The following ZMAT4 variants were observed in gnomAD, a reference collection of about 807,000 sequenced individuals.
ZMAT4 encodes zinc finger matrin-type protein 4.
Under a neutral mutation model 28.7 loss-of-function variants are expected in ZMAT4, and 17 were observed. That is an observed-to-expected ratio of 0.59 (90% CI 0.41 to 0.89). The LOEUF (loss-of-function observed/expected upper bound fraction) is 0.89. Ranked by LOEUF, ZMAT4 falls within the 40% of genes least tolerant of loss-of-function variation. The pLI is 0.00. For missense variants in ZMAT4, 240 were observed against 283.8 expected, an observed-to-expected ratio of 0.85 and a Z score of 1.11; for synonymous variants, 117 against 109.2, an observed-to-expected ratio of 1.07 and a Z score of -0.44.
chr8:40,757,485 C>A (rs952146091), intron 3 of ZMAT4, among the ~76,000 whole-genome samples: 1 of 151,552 alleles, frequency 6.6e-6, no homozygotes, highest in African/African-American at 2.4e-5. Flanking sequence ...ACTTGGGAGG[C>A]TGAGGCAGGA....
intron 2 of ZMAT4, among the ~76,000 whole-genome samples, chr8:40,807,076 G>C (rs1815112646): frequency 1.4e-5 from 2 of 146,384 alleles, no homozygotes; most frequent in South Asian, 4.4e-4. Context: ...GTTTCCCAGA[G>C]TGAATATGCC....
chr8:40,666,871 T>C (rs917507823), intron 5 of ZMAT4, among the ~76,000 whole-genome samples: 3 of 152,050 alleles, frequency 2.0e-5, no homozygotes, highest in African/African-American at 7.2e-5. Context: ...CCACAAAGCC[T>C]AGAAATATCA....
At chr8:40,629,741 A>C (rs9643877) in intron 5 of ZMAT4, among the ~76,000 whole-genome samples, 87,133 of 151,472 alleles carry the variant, frequency 0.58, 26,166 homozygotes, top group East Asian at 0.69. Context: ...TGAACTCATC[A>C]TTTTTTATGG....
intron 2 of ZMAT4, among the ~76,000 whole-genome samples, chr8:40,802,159 A>T (rs1336192882): frequency 6.6e-6 from 1 of 152,254 alleles, no homozygotes; most frequent in African/African-American, 2.4e-5. Context: ...TCTTGCTAAG[A>T]TCAGAAAAAG....
intron 3 of ZMAT4, among the ~76,000 whole-genome samples, chr8:40,720,580 T>A (rs1317450487): frequency 2.1e-5 from 3 of 142,888 alleles, no homozygotes; most frequent in African/African-American, 7.9e-5. Context: ...CAGGCTGGAG[T>A]GCAGTGGCAT....
At chr8:40,803,651 C>T (rs907712818) in intron 2 of ZMAT4, among the ~76,000 whole-genome samples, 1 of 152,170 alleles carries the variant, frequency 6.6e-6, no homozygotes, top group African/African-American at 2.4e-5. Flanking sequence ...GGTACAGCCA[C>T]TTTGGAAGAC....
chr8:40,639,913 T>A (rs571356752), intron 5 of ZMAT4, among the ~76,000 whole-genome samples: 1 of 152,190 alleles, frequency 6.6e-6, no homozygotes, highest in African/African-American at 2.4e-5. Context: ...CCCAAATAAC[T>A]CCCTTGTCTG....
intron 1 of ZMAT4, among the ~76,000 whole-genome samples, chr8:40,893,774 A>G (rs918999979): frequency 6.6e-6 from 1 of 152,216 alleles, no homozygotes; most frequent in Admixed American, 6.5e-5. Flanking sequence ...TCACCCAGGT[A>G]GTAAGCATAG....
chr8:40,879,029 A>G (rs1215127658), intron 1 of ZMAT4, among the ~76,000 whole-genome samples: 2 of 152,142 alleles, frequency 1.3e-5, no homozygotes, highest in Non-Finnish European at 2.9e-5. Flanking sequence ...GGCTTCCTGG[A>G]AGCTAATGAA....
chr8:40,674,865 T>G lies in ZMAT4; in HGVS notation c.416A>C (p.Gln139Pro). 3 of 1,613,850 alleles carry G rather than the reference T, an allele frequency of 1.9e-6. No homozygotes were observed. Among genetic ancestry groups the G allele is most frequent in the Non-Finnish European group, 2.5e-6 (3 of 1,179,912 alleles). The change falls in exon 5 of 7, where the codon CAA becomes CCA. Residue 139 changes from glutamine to proline, a missense_variant. Physicochemically the swap from Gln to Pro is moderately conservative, Grantham distance 76. Transcript: ENST00000297737. ...ACAGTATCTGTCTGAATCTCTTCTTTGATAGGGAGATGCGACCACCGGAGC... is the reference window on the plus strand; with the variant it reads ...ACAGTATCTGTCTGAATCTCTTCTTGGATAGGGAGATGCGACCACCGGAGC... The part of the protein sequence containing the change: ...DTAPVVASPY[Q>P]RRDSDRYCGL...
chr8:40,547,102 T>C (rs987732497), intron 6 of ZMAT4, among the ~76,000 whole-genome samples: 3 of 152,194 alleles, frequency 2.0e-5, no homozygotes, highest in East Asian at 3.8e-4. Context: ...TTAATAAACA[T>C]AGAACTCCAA....
At chr8:40,874,054 G>A (rs1005150702) in intron 1 of ZMAT4, among the ~76,000 whole-genome samples, 6 of 152,220 alleles carry the variant, frequency 3.9e-5, no homozygotes, top group South Asian at 2.1e-4. Context: ...GGTCCTTTCC[G>A]CCAGGAACAC....
chr8:40,830,336 T>C (rs1011357972), intron 1 of ZMAT4, among the ~76,000 whole-genome samples: 67 of 152,304 alleles, frequency 4.4e-4, no homozygotes, highest in African/African-American at 1.5e-3. Context: ...TCTTCCACTC[T>C]TTCCCGCTTT....
chr8:40,784,806 C>T (rs1211111107), intron 2 of ZMAT4, among the ~76,000 whole-genome samples: 1 of 152,152 alleles, frequency 6.6e-6, no homozygotes, highest in African/African-American at 2.4e-5. Context: ...GCTGCCTTGC[C>T]TAAGGTCAAA....
At chr8:40,754,713 G>A (rs997099057) in intron 3 of ZMAT4, among the ~76,000 whole-genome samples, 1 of 152,132 alleles carries the variant, frequency 6.6e-6, no homozygotes, top group African/African-American at 2.4e-5. Flanking sequence ...TGGCTTGGAG[G>A]ACAGATGGCA....
intron 3 of ZMAT4, among the ~76,000 whole-genome samples, chr8:40,706,675 T>C (rs1162804746): frequency 6.6e-6 from 1 of 152,192 alleles, no homozygotes; most frequent in East Asian, 1.9e-4. Context: ...ACTTTTCTAG[T>C]CTTTTCCTCC....
At chr8:40,563,900 C>T (rs1258558227) in intron 6 of ZMAT4, among the ~76,000 whole-genome samples, 2 of 152,022 alleles carry the variant, frequency 1.3e-5, no homozygotes, top group East Asian at 3.9e-4. Flanking sequence ...TAGTTTCCTC[C>T]AGCCCCTACC....
chr8:40,687,552 C>T (rs1000177761), intron 4 of ZMAT4, among the ~76,000 whole-genome samples: 1 of 152,154 alleles, frequency 6.6e-6, no homozygotes, highest in African/African-American at 2.4e-5. Flanking sequence ...ATACCCTACA[C>T]TCTGGATGAA....
chr8:40,779,553 A>C (rs1813745334), intron 2 of ZMAT4, among the ~76,000 whole-genome samples: 1 of 152,082 alleles, frequency 6.6e-6, no homozygotes, highest in Non-Finnish European at 1.5e-5. Context: ...TTTCCTTTCC[A>C]TTCTCTCTCA....
Sources: allele counts gnomAD v4.1 joint callset (sites outside exome capture counted in the v4.1 genomes callset), GRCh38; gene constraint gnomAD v4.1.1; transcripts MANE v1.5; gene names NCBI Gene and HGNC (gene_info 2026-07-23, HGNC 2026-07-21).